ARHGAP19: variants seen among roughly 807,000 people sequenced by gnomAD.
ARHGAP19 encodes the protein rho GTPase-activating protein 19.
A neutral mutation model predicts 60.9 loss-of-function variants in ARHGAP19; 48 were observed. The ratio of observed to expected loss-of-function variants is 0.79; its 90% confidence interval spans 0.62 to 1.00. The LOEUF (loss-of-function observed/expected upper bound fraction) is 1.00. Among genes scored for constraint, ARHGAP19 ranks in the 50% least tolerant of loss-of-function variants. The probability of loss-of-function intolerance (pLI) is 0.00; values close to 1 mark genes in which losing one functional copy is unlikely to be tolerated. For missense variants in ARHGAP19, 562 were observed against 597.2 expected, an observed-to-expected ratio of 0.94 and a Z score of 0.61; for synonymous variants, 209 against 215.5, an observed-to-expected ratio of 0.97 and a Z score of 0.27.
chr10:97,266,123 T>C lies in ARHGAP19; in HGVS notation c.59A>G (p.Asp20Gly). 5 of 1,613,528 alleles carry C rather than the reference T, an allele frequency of 3.1e-6. No individual in the cohort carries two copies. Among genetic ancestry groups the C allele is most frequent in the Non-Finnish European group, 4.2e-6 (5 of 1,179,698 alleles). ...GCAGATCACAAAACTGCAGATGGCA[T>C]CACTGAAAAACACAGAAGAAAATCT... ...EVPARESGRS[D>G]AICSFVICND... Residue 20 changes from aspartate (D) to glycine (G), a missense_variant and splice_region_variant, in exon 2 of 12, where the codon GAT becomes GGT. Asp to Gly is a moderately conservative substitution (Grantham distance 94). Coordinates refer to ENST00000358531, the MANE Select transcript of ARHGAP19 (RefSeq NM_032900.6).
chr10:97,241,498 G>A (rs540705711), intron 8 of ARHGAP19, among the ~76,000 whole-genome samples: 28 of 151,678 alleles, frequency 1.8e-4, no homozygotes, highest in African/African-American at 6.5e-4. Context: ...GTGATCACTT[G>A]AGGTCAGGAG....
At chr10:97,274,104 T>C (rs2046999706) in intron 1 of ARHGAP19, among the ~76,000 whole-genome samples, 1 of 152,162 alleles carries the variant, frequency 6.6e-6, no homozygotes, top group Admixed American at 6.5e-5. Context: ...AGCAGAAATG[T>C]ATTTACCATA....
chr10:97,267,546 C>T (rs1243974899), intron 1 of ARHGAP19, among the ~76,000 whole-genome samples: 2 of 152,268 alleles, frequency 1.3e-5, no homozygotes, highest in East Asian at 3.8e-4. Context: ...TTCCCTTCTT[C>T]TGAACTGCCC....
intron 1 of ARHGAP19, among the ~76,000 whole-genome samples, chr10:97,279,866 C>T (rs1455847836): frequency 6.6e-6 from 1 of 152,142 alleles, no homozygotes; most frequent in Non-Finnish European, 1.5e-5. Context: ...CTCTTGATTG[C>T]CTACCTTCTT....
At chr10:97,245,144 T>C (rs576584111) in intron 7 of ARHGAP19, among the ~76,000 whole-genome samples, 1 of 152,160 alleles carries the variant, frequency 6.6e-6, no homozygotes, top group Non-Finnish European at 1.5e-5. Flanking sequence ...TAGCTGAGAC[T>C]ACAGGTACGT....
rs1850970831 is a variant in ARHGAP19, at chr10:97,229,827, G to A, written c.1332C>T (p.Asn444=). 6.2e-7 allele frequency: 1 copy of A among 1,612,806 alleles called. No individual in the cohort carries two copies. The highest frequency in any genetic ancestry group is 8.5e-7 in the Non-Finnish European group (1 of 1,179,640). The change falls in exon 10 of 12, where the codon AAC becomes AAT. Residue 444 remains asparagine (N), a synonymous_variant. Coordinates refer to ENST00000358531, the MANE Select transcript of ARHGAP19 (RefSeq NM_032900.6). ...NQMMSEKKKK[N]PTPESVAIGE... is the part of the protein sequence containing the mutation. The stretch of plus-strand genomic sequence containing the variant: ...CAATGGCCACAGATTCTGGAGTAGG[G>A]TTCTTCTTTTTCTTTTCTGACATCA...
chr10:97,228,848 T>G (rs1034313355), intron 11 of ARHGAP19, among the ~76,000 whole-genome samples: 1 of 152,230 alleles, frequency 6.6e-6, no homozygotes, highest in Non-Finnish European at 1.5e-5. Flanking sequence ...TTTACACTTG[T>G]TTTTAATTTG....
intron 4 of ARHGAP19, 101 bp from the exon 5 acceptor site, chr10:97,259,729 G>A: frequency 4.9e-6 from 4 of 819,772 alleles, no homozygotes; most frequent in Admixed American, 2.2e-5. Flanking sequence ...CAAAGAAAGA[G>A]GGAAAAAAGA....
At chr10:97,261,886 A>G (rs1842834159) in intron 4 of ARHGAP19, among the ~76,000 whole-genome samples, 1 of 152,198 alleles carries the variant, frequency 6.6e-6, no homozygotes, top group Admixed American at 6.5e-5. Context: ...GGTATAAAGC[A>G]GTATGAAGAA....
intron 1 of ARHGAP19, among the ~76,000 whole-genome samples, chr10:97,268,876 G>A (rs373561431): frequency 2.6e-5 from 4 of 152,128 alleles, no homozygotes; most frequent in African/African-American, 9.7e-5. Context: ...CTGTATAATT[G>A]AAACTCTTAG....
At chr10:97,273,390 T>C (rs561891949) in intron 1 of ARHGAP19, among the ~76,000 whole-genome samples, 151 of 151,698 alleles carry the variant, frequency 1.0e-3, no homozygotes, top group African/African-American at 3.2e-3. Context: ...CTCGAACTCC[T>C]GACCTCAGGT....
intron 1 of ARHGAP19, among the ~76,000 whole-genome samples, chr10:97,273,131 C>A (rs570144631): frequency 6.6e-6 from 1 of 152,084 alleles, no homozygotes; most frequent in African/African-American, 2.4e-5. Context: ...TGAGCCACAG[C>A]GCCCAGCCTG....
chr10:97,258,252 G>T (rs1255908211), intron 5 of ARHGAP19, among the ~76,000 whole-genome samples: 1 of 152,108 alleles, frequency 6.6e-6, no homozygotes, highest in South Asian at 2.1e-4. Flanking sequence ...AAGGCCAGGC[G>T]CGGTGGCTCA....
At chr10:97,231,494 C>A (rs548046597) in intron 9 of ARHGAP19, among the ~76,000 whole-genome samples, 3 of 152,240 alleles carry the variant, frequency 2.0e-5, no homozygotes, top group Admixed American at 1.3e-4. Flanking sequence ...CCCTGACAAC[C>A]AACCACCTTC....
intron 1 of ARHGAP19, among the ~76,000 whole-genome samples, chr10:97,290,884 C>T (rs1029668690): frequency 5.9e-5 from 9 of 152,158 alleles, no homozygotes; most frequent in Admixed American, 4.6e-4. Flanking sequence ...GCAGTTAGGG[C>T]GGTCATCGGC....
intron 1 of ARHGAP19, among the ~76,000 whole-genome samples, chr10:97,286,625 C>A (rs1205921427): frequency 4.6e-5 from 7 of 152,204 alleles, no homozygotes; most frequent in African/African-American, 1.4e-4. Context: ...TGTTTACTAA[C>A]CAATATTCCA....
intron 6 of ARHGAP19, among the ~76,000 whole-genome samples, chr10:97,253,301 C>G (rs1405875241): frequency 6.6e-6 from 1 of 151,286 alleles, no homozygotes; most frequent in Non-Finnish European, 1.5e-5. Flanking sequence ...TCGCTTGAAC[C>G]CAGGAGACGG....
chr10:97,282,139 G>A (rs911083345), intron 1 of ARHGAP19, among the ~76,000 whole-genome samples: 1 of 152,148 alleles, frequency 6.6e-6, no homozygotes, highest in African/African-American at 2.4e-5. Context: ...CTGTGAGCAT[G>A]TCATCCAAGC....
intron 7 of ARHGAP19, 60 bp downstream of exon 7, chr10:97,246,212 A>G (rs1313526888): frequency 7.3e-7 from 1 of 1,370,898 alleles, no homozygotes; most frequent in Non-Finnish European, 1.0e-6. Flanking sequence ...ACTTTGTTTT[A>G]AGACTCCACA....
Sources: gnomAD v4.1 joint callset for allele counts (sites outside exome capture counted in the v4.1 genomes callset) on GRCh38, gnomAD v4.1.1 for gene constraint, MANE v1.5 for transcripts, NCBI Gene and HGNC (gene_info 2026-07-23, HGNC 2026-07-21) for gene names.